The following SLC22A25 variants were observed in gnomAD, a reference collection of about 807,000 sequenced individuals.
The protein encoded by SLC22A25 is solute carrier family 22 member 25, also known as MGI:2442751, MGI:2385316, MGI:3042283, MGI:3645714, MGI:3605624, MGI:2442750.
SLC22A25 carries 44 observed loss-of-function variants against 45.9 expected under a neutral mutation model. The observed-to-expected ratio is 0.96, with a 90% CI of 0.75 to 1.23. The LOEUF (loss-of-function observed/expected upper bound fraction) is 1.23, where lower values mean the gene tolerates loss of function less well. SLC22A25 is among the 50% of genes most tolerant of loss of function. The pLI, the probability that SLC22A25 is intolerant of heterozygous loss-of-function variation, is 0.00. For missense variants in SLC22A25, 800 were observed against 666.4 expected (o/e 1.20, Z -2.21); for synonymous variants, 283 against 238.6 (o/e 1.19, Z -1.72).
At chr11:63,220,124 G>T in intron 5 of SLC22A25, 2 of 795,154 alleles carry the variant, frequency 2.5e-6, no homozygotes, top group Non-Finnish European at 3.6e-6. Context: ...TTTGTTGTAA[G>T]GTAGAGGTTG....
chr11:63,170,665 A>T (rs1218257667), intron 9 of SLC22A25, among the ~76,000 whole-genome samples: 3 of 152,210 alleles, frequency 2.0e-5, no homozygotes, highest in African/African-American at 7.2e-5. Flanking sequence ...AAATTGAGGC[A>T]GTAAATAATA....
chr11:63,193,314 G>A (rs369120566), intron 7 of SLC22A25, among the ~76,000 whole-genome samples: 62 of 152,318 alleles, frequency 4.1e-4, no homozygotes, highest in Admixed American at 1.3e-3. Context: ...TTTGAGATCT[G>A]AGAACAGACA....
intron 5 of SLC22A25, among the ~76,000 whole-genome samples, chr11:63,226,504 T>A (rs1424812716): frequency 6.6e-6 from 1 of 152,186 alleles, no homozygotes; most frequent in African/African-American, 2.4e-5. Flanking sequence ...ATGGAGTCTT[T>A]CTCTCTGTTC....
intron 9 of SLC22A25, among the ~76,000 whole-genome samples, chr11:63,174,555 C>G (rs997301645): frequency 2.0e-5 from 3 of 152,098 alleles, no homozygotes; most frequent in Non-Finnish European, 4.4e-5. Flanking sequence ...ACGTCTAGTT[C>G]CTCTTCTTTT....
At chr11:63,174,406 C>T (rs922973258) in intron 9 of SLC22A25, among the ~76,000 whole-genome samples, 2 of 152,148 alleles carry the variant, frequency 1.3e-5, no homozygotes, top group Admixed American at 1.3e-4. Context: ...ATAAGAACCA[C>T]AATGGCATAT....
intron 8 of SLC22A25, 116 bp downstream of exon 8, chr11:63,183,578 G>A (rs575895125): frequency 1.5e-6 from 2 of 1,325,324 alleles, no homozygotes; most frequent in African/African-American, 2.9e-5. Context: ...CGTGAGGTGA[G>A]ATGACCCATA....
chr11:63,183,485 G>A (rs1406406382), intron 8 of SLC22A25, among the ~76,000 whole-genome samples: 4 of 152,098 alleles, frequency 2.6e-5, no homozygotes, highest in African/African-American at 9.7e-5. Flanking sequence ...CCTCTGTTGA[G>A]TAAAATATCT....
chr11:63,188,706 C>T (rs2088668394), intron 7 of SLC22A25, among the ~76,000 whole-genome samples: 1 of 152,148 alleles, frequency 6.6e-6, no homozygotes, highest in African/African-American at 2.4e-5. Context: ...TCCCTCTACA[C>T]ACTGCTTTGA....
chr11:63,221,237 C>T (rs60477987), intron 5 of SLC22A25, among the ~76,000 whole-genome samples: 55,713 of 151,968 alleles, frequency 0.37, 10,523 homozygotes, highest in East Asian at 0.56. Context: ...AGTTATATTC[C>T]CACCAACAGT....
At chr11:63,207,831 A>C (rs2089448534) in intron 7 of SLC22A25, among the ~76,000 whole-genome samples, 1 of 152,190 alleles carries the variant, frequency 6.6e-6, no homozygotes, top group Non-Finnish European at 1.5e-5. Context: ...AAATGTAAGA[A>C]ATGATGTAAT....
chr11:63,198,392 C>A (rs1192701946), intron 7 of SLC22A25, among the ~76,000 whole-genome samples: 1 of 151,890 alleles, frequency 6.6e-6, no homozygotes, highest in Non-Finnish European at 1.5e-5. Context: ...TACTATGCAG[C>A]CATAAGGATG....
intron 5 of SLC22A25, among the ~76,000 whole-genome samples, chr11:63,223,544 A>G (rs1249690356): frequency 3.3e-5 from 5 of 151,896 alleles, no homozygotes; most frequent in African/African-American, 1.2e-4. Flanking sequence ...AGGTTTGCCA[A>G]TTTTGTTTAT....
In SLC22A25 at chr11:63,229,803, A is replaced by C; in HGVS notation, c.-151T>G. 1.2e-6 allele frequency: 1 copy of C among 809,454 alleles called. No homozygotes were observed. The highest frequency in any genetic ancestry group is 1.8e-6 in the Non-Finnish European group (1 of 553,172). 50.1% of individuals were successfully genotyped at this position (809,454 alleles called of 1,614,324 possible). A position where few individuals can be genotyped will look rare whatever the true frequency, so the allele number is the denominator to read the frequency against. On this transcript the variant is annotated 5_prime_UTR_variant, in exon 4 of 12. Coordinates refer to ENST00000306494, the MANE Select transcript of SLC22A25 (RefSeq NM_199352.6). ...TTAATGGGCCCTCTCTCCCATCTGC[A>C]GCAGGGTCACGGAAGCAATTTCCTC... is the stretch of plus-strand genomic sequence containing the variant.
chr11:63,200,047 T>A (rs917505208), intron 7 of SLC22A25, among the ~76,000 whole-genome samples: 1 of 152,022 alleles, frequency 6.6e-6, no homozygotes, highest in Non-Finnish European at 1.5e-5. Flanking sequence ...CAGGACCTGA[T>A]GGTTTCACAG....
chr11:63,196,061 T>C (rs1001669151), intron 7 of SLC22A25, among the ~76,000 whole-genome samples: 5 of 152,154 alleles, frequency 3.3e-5, no homozygotes, highest in African/African-American at 1.2e-4. Flanking sequence ...ACGAAGAAGC[T>C]GAATCCCAGA....
chr11:63,228,291 A>T (rs2090001502), intron 5 of SLC22A25, among the ~76,000 whole-genome samples, 170 bp downstream of exon 5: 2 of 152,204 alleles, frequency 1.3e-5, no homozygotes, highest in Non-Finnish European at 2.9e-5. Flanking sequence ...CACACATTTT[A>T]AAAAATAGCA....
chr11:63,229,591 A>T lies in SLC22A25; in HGVS notation c.62T>A (p.Met21Lys), dbSNP rs768119108. Residue 21 changes from methionine to lysine, a missense_variant, in exon 4 of 12, where the codon ATG becomes AAG. Transcript: ENST00000306494. ...GACGTTGAACATTATAAGGAAAACC[A>T]TCTGAAGGATCTGGAATCTCCCCAG... ...GGLGRFQILQ[M>K]VFLIMFNVIV... 1 of 1,613,376 alleles carries T rather than the reference A, an allele frequency of 6.2e-7. No homozygotes were observed. Among genetic ancestry groups the T allele is most frequent in the African/African-American group, 1.3e-5 (1 of 74,910 alleles).
At chr11:63,212,386 T>C (rs1176111083) in intron 7 of SLC22A25, among the ~76,000 whole-genome samples, 5 of 152,194 alleles carry the variant, frequency 3.3e-5, no homozygotes, top group African/African-American at 2.4e-5. Context: ...ATTGTGGCAC[T>C]ATTCACAATA....
At position 63,164,710 on chromosome 11, in the gene SLC22A25, A is replaced by G. The variant is rs988759230; in HGVS notation, c.1286-76T>C. On this transcript the variant is annotated intron_variant, in intron 10 of 11. Coordinates refer to ENST00000306494, the MANE Select transcript of SLC22A25 (RefSeq NM_199352.6). ...AGCATCTCCCAAGGTAGAAGTGAAA[A>G]GGACTGCTTTGGAGGTGTTTCCAGG... 13 of 1,221,982 alleles carry G rather than the reference A, an allele frequency of 1.1e-5. No homozygotes were observed. The East Asian group carries it at 1.4e-4, about 13-fold the overall frequency. The allele number at this position is 1,221,982 out of a possible 1,614,324, so 75.7% of individuals were successfully genotyped here. A position where few individuals can be genotyped will look rare whatever the true frequency, so the allele number is the denominator to read the frequency against.
Sources: allele counts gnomAD v4.1 joint callset (sites outside exome capture counted in the v4.1 genomes callset), GRCh38; gene constraint gnomAD v4.1.1; transcripts MANE v1.5; gene names NCBI Gene and HGNC (gene_info 2026-07-23, HGNC 2026-07-21).